SRGAP2B: variants seen among roughly 807,000 people sequenced by gnomAD.
SRGAP2B encodes the protein SLIT-ROBO Rho GTPase activating protein 2B.
In SRGAP2B, 9 loss-of-function variants were observed where a neutral mutation model predicts 22.2. The ratio of observed to expected loss-of-function variants is 0.41; its 90% confidence interval spans 0.24 to 0.71. The LOEUF is 0.71. Ranked by LOEUF, SRGAP2B falls within the 30% of genes least tolerant of loss-of-function variation. The probability of loss-of-function intolerance (pLI) is 0.35; values close to 1 mark genes in which losing one functional copy is unlikely to be tolerated. For missense variants in SRGAP2B, 114 were observed against 235.8 expected, an observed-to-expected ratio of 0.48 and a Z score of 3.38; for synonymous variants, 36 against 87.4, an observed-to-expected ratio of 0.41 and a Z score of 3.28.
chr1:145,091,177 G>A (rs1285150801), intron 2 of SRGAP2B, among the ~76,000 whole-genome samples: 2 of 15,446 alleles, frequency 1.3e-4, no homozygotes, highest in Admixed American at 1.2e-3. Flanking sequence ...AATCTGGGAA[G>A]ATCAAAGTTA....
At chr1:144,941,103 A>G (rs1553607305) in intron 4 of SRGAP2B, among the ~76,000 whole-genome samples, 1 of 145,930 alleles carries the variant, frequency 6.9e-6, no homozygotes, top group African/African-American at 2.6e-5. Flanking sequence ...TTTTACCCAC[A>G]ATATCTTGAA....
At chr1:144,984,302 A>C (rs1553615496) in intron 3 of SRGAP2B, among the ~76,000 whole-genome samples, 1 of 148,674 alleles carries the variant, frequency 6.7e-6, no homozygotes, top group Non-Finnish European at 1.5e-5. Context: ...CCTGGGCAAC[A>C]AGAGCGAAAC....
At chr1:144,953,934 C>CG (rs1667075134) in intron 4 of SRGAP2B, among the ~76,000 whole-genome samples, 1 of 145,734 alleles carries the variant, frequency 6.9e-6, no homozygotes, top group Admixed American at 6.9e-5. Flanking sequence ...GTCATAGAGA[C>CG]GAGCTGTCAA....
intron 4 of SRGAP2B, among the ~76,000 whole-genome samples, chr1:144,951,438 A>T (rs2101916524): frequency 7.3e-6 from 1 of 136,850 alleles, no homozygotes; most frequent in Admixed American, 7.4e-5. Context: ...CTCCCACCTC[A>T]ACCTCCCAAA....
intron 3 of SRGAP2B, among the ~76,000 whole-genome samples, chr1:144,971,725 T>C (rs1668540945): frequency 6.7e-6 from 1 of 149,748 alleles, no homozygotes; most frequent in Non-Finnish European, 1.5e-5. Context: ...AAGGCCAGAG[T>C]GTACAAAAAG....
At position 144,985,415 on chromosome 1, in the gene SRGAP2B, A is replaced by G. The variant is rs1312757849; in HGVS notation, c.260+9593T>C. Among the ~76,000 whole-genome samples the G allele has an allele frequency of 1.3e-5, 2 of 150,316 alleles. 1 individual carries two copies. The highest frequency in any genetic ancestry group is 5.0e-5 in the African/African-American group (2 of 39,972). ...TTGCTCTAAAAACTCAACAGAAAAA[A>G]AAAAGCTACCTAAAAAATGAGCTAT... On this transcript the variant is annotated intron_variant, in intron 3 of 9. Coordinates refer to ENST00000612199, the Ensembl canonical transcript of SRGAP2B.
chr1:144,987,936 G>C lies in SRGAP2B; in HGVS notation c.260+7072C>G, dbSNP rs768940949. Among the ~76,000 whole-genome samples, 43 of 151,108 alleles carry C rather than the reference G, an allele frequency of 2.8e-4. 2 individuals are homozygous for C. The highest frequency in any genetic ancestry group is 9.9e-4 in the Admixed American group (15 of 15,182). On this transcript the variant is annotated intron_variant, in intron 3 of 9. Coordinates refer to ENST00000612199, the Ensembl canonical transcript of SRGAP2B. ...GATAAGGGCAGAACTCATCAGCTAC[G>C]TGGACTCTTTAGGTATTCACTGAAC...
intron 3 of SRGAP2B, among the ~76,000 whole-genome samples, chr1:144,958,252 C>T (rs61254245): frequency 3.3e-5 from 5 of 150,962 alleles, no homozygotes; most frequent in Admixed American, 2.0e-4. Flanking sequence ...GAGCACATAT[C>T]CCCAAGGTGT....
At chr1:145,007,452 G>C (rs1570993268) in intron 2 of SRGAP2B, among the ~76,000 whole-genome samples, 2 of 151,042 alleles carry the variant, frequency 1.3e-5, no homozygotes, top group East Asian at 3.9e-4. Flanking sequence ...GAATGTTTAG[G>C]TGTATGTGTT....
At chr1:144,948,925 T>G (rs1449652601) in intron 4 of SRGAP2B, among the ~76,000 whole-genome samples, 1 of 131,540 alleles carries the variant, frequency 7.6e-6, no homozygotes, top group Admixed American at 7.4e-5. Flanking sequence ...TTTTTTTTTT[T>G]TTTTTGAGGG....
chr1:144,971,059 T>C lies in SRGAP2B; in HGVS notation c.261-15458A>G, dbSNP rs1349110595. On this transcript the variant is annotated intron_variant, in intron 3 of 9. Coordinates refer to ENST00000612199, the Ensembl canonical transcript of SRGAP2B. ...TCATGTCTGAAAAGACAAATACATCTCAAAATTCCTTTTATAATAAACTTG... is the reference window on the plus strand; with the variant it reads ...TCATGTCTGAAAAGACAAATACATCCCAAAATTCCTTTTATAATAAACTTG... 3.3e-5 allele frequency among the ~76,000 whole-genome samples: 5 copies of C among 150,238 alleles called. 1 individual carries two copies. Among genetic ancestry groups the C allele is most frequent in the African/African-American group, 1.2e-4 (5 of 40,230 alleles).
At chr1:144,907,559 G>C (rs1240975524) in intron 5 of SRGAP2B, among the ~76,000 whole-genome samples, 1 of 150,192 alleles carries the variant, frequency 6.7e-6, no homozygotes, top group Non-Finnish European at 1.5e-5. Context: ...CTGAGTTAGA[G>C]AAGTGTCTCA....
intron 3 of SRGAP2B, among the ~76,000 whole-genome samples, chr1:144,956,541 G>A (rs587616237): frequency 1.1e-4 from 11 of 95,956 alleles, no homozygotes; most frequent in Non-Finnish European, 1.5e-4. Context: ...TCCGCCTCCC[G>A]CTTTCAAGAG....
At chr1:144,969,716 C>A (rs1422469563) in intron 3 of SRGAP2B, among the ~76,000 whole-genome samples, 2 of 150,230 alleles carry the variant, frequency 1.3e-5, no homozygotes, top group Admixed American at 6.6e-5. Flanking sequence ...CAAACTACAA[C>A]ATGGGAGAAA....
chr1:145,007,007 T>C (rs1553621212), intron 2 of SRGAP2B, among the ~76,000 whole-genome samples: 6 of 150,064 alleles, frequency 4.0e-5, no homozygotes, highest in Non-Finnish European at 2.9e-5. Flanking sequence ...GTTTTCATTA[T>C]CTACAAAATG....
Position 144,951,171 on chromosome 1 carries a change from G to GT in SRGAP2B, c.423+4267dup, listed in dbSNP as rs1486622501. On this transcript the variant is annotated intron_variant, in intron 4 of 9. Transcript: ENST00000612199. ...CCCTCTGTTTTGTTTTTTGTTTTTTGTTTTTTGTTTTTTTTTTTTAAACAG... is the reference window on the plus strand; with the variant it reads ...CCCTCTGTTTTGTTTTTTGTTTTTTGTTTTTTTGTTTTTTTTTTTTAAACAG... 3.9e-4 allele frequency among the ~76,000 whole-genome samples: 56 copies of GT among 145,058 alleles called. 1 individual carries two copies. In the South Asian group the frequency reaches 3.9e-3, roughly 10 times the overall value.
At chr1:144,926,594 T>C (rs1305489074) in intron 4 of SRGAP2B, among the ~76,000 whole-genome samples, 5 of 151,520 alleles carry the variant, frequency 3.3e-5, no homozygotes, top group Non-Finnish European at 7.4e-5. Flanking sequence ...TGGTGGCTCA[T>C]GCCTGTAACC....
intron 3 of SRGAP2B, among the ~76,000 whole-genome samples, chr1:144,963,093 T>C (rs1667797904): frequency 6.6e-6 from 1 of 151,186 alleles, no homozygotes; most frequent in Admixed American, 6.6e-5. Context: ...GCTCTCTCTA[T>C]AGCTTCTGTA....
intron 2 of SRGAP2B, among the ~76,000 whole-genome samples, chr1:144,999,745 T>C (rs1458049893): frequency 6.9e-6 from 1 of 144,656 alleles, no homozygotes; most frequent in Admixed American, 6.9e-5. Context: ...AATTGCAGCT[T>C]CCCTTGCAAG....
Sources: allele counts gnomAD v4.1 joint callset (sites outside exome capture counted in the v4.1 genomes callset), GRCh38; gene constraint gnomAD v4.1.1; transcripts MANE v1.5; gene names NCBI Gene and HGNC (gene_info 2026-07-23, HGNC 2026-07-21).